KCNJ3: variants seen among roughly 807,000 people sequenced by gnomAD.
The protein encoded by KCNJ3 is potassium inwardly rectifying channel subfamily J member 3.
KCNJ3 carries 4 observed loss-of-function variants against 39.2 expected under a neutral mutation model. The observed-to-expected ratio is 0.10, with a 90% CI of 0.05 to 0.23. The LOEUF (loss-of-function observed/expected upper bound fraction) is 0.23. Ranked by LOEUF, KCNJ3 falls within the 10% of genes least tolerant of loss-of-function variation. KCNJ3 has a pLI of 1.00. For missense variants in KCNJ3, 276 were observed against 634.9 expected (o/e 0.43, Z 6.08); for synonymous variants, 230 against 237.4 (o/e 0.97, Z 0.29).
intron 2 of KCNJ3, among the ~76,000 whole-genome samples, chr2:154,828,123 A>G (rs1687300709): frequency 6.6e-6 from 1 of 152,206 alleles, no homozygotes; most frequent in Non-Finnish European, 1.5e-5. Context: ...GAAGACATTT[A>G]TACTGTAATG....
intron 2 of KCNJ3, among the ~76,000 whole-genome samples, chr2:154,714,509 T>G (rs1574431747): frequency 6.6e-6 from 1 of 152,174 alleles, no homozygotes; most frequent in East Asian, 1.9e-4. Flanking sequence ...AGTCCACCAT[T>G]TATTTTATCT....
At chr2:154,721,445 G>T (rs943931455) in intron 2 of KCNJ3, among the ~76,000 whole-genome samples, 3 of 152,048 alleles carry the variant, frequency 2.0e-5, no homozygotes, top group Non-Finnish European at 2.9e-5. Context: ...CTGGGTTCCA[G>T]GTTCTACTAG....
intron 2 of KCNJ3, among the ~76,000 whole-genome samples, chr2:154,845,307 T>C (rs1687646579): frequency 6.6e-6 from 1 of 151,828 alleles, no homozygotes; most frequent in Non-Finnish European, 1.5e-5. Flanking sequence ...TTAGTAGAAA[T>C]GGGGTTTTAC....
intron 2 of KCNJ3, among the ~76,000 whole-genome samples, chr2:154,765,452 G>A (rs975345821): frequency 2.0e-5 from 3 of 152,140 alleles, no homozygotes; most frequent in African/African-American, 7.2e-5. Flanking sequence ...CCAAAAAGAA[G>A]TGACTTGTTC....
intron 2 of KCNJ3, among the ~76,000 whole-genome samples, chr2:154,749,979 C>A (rs574367926): frequency 2.6e-5 from 4 of 151,950 alleles, no homozygotes; most frequent in South Asian, 2.1e-4. Context: ...TATTAATTTA[C>A]CTTTGTATGG....
chr2:154,819,467 C>A (rs528432058), intron 2 of KCNJ3, among the ~76,000 whole-genome samples: 1 of 152,128 alleles, frequency 6.6e-6, no homozygotes, highest in African/African-American at 2.4e-5. Flanking sequence ...CTAAATACTT[C>A]TGTGTTTTTC....
chr2:154,815,435 C>A (rs549426020), intron 2 of KCNJ3, among the ~76,000 whole-genome samples: 1 of 152,256 alleles, frequency 6.6e-6, no homozygotes, highest in East Asian at 1.9e-4. Context: ...CCTTTTGAAT[C>A]TGCATTAGAC....
At chr2:154,852,608 C>A (rs1687775687) in intron 2 of KCNJ3, among the ~76,000 whole-genome samples, 1 of 151,926 alleles carries the variant, frequency 6.6e-6, no homozygotes. Context: ...GATATTTATT[C>A]TTTATTCTAG....
At chr2:154,837,714 A>C (rs1687494763) in intron 2 of KCNJ3, among the ~76,000 whole-genome samples, 1 of 152,156 alleles carries the variant, frequency 6.6e-6, no homozygotes, top group Non-Finnish European at 1.5e-5. Flanking sequence ...TCGCTTAAGA[A>C]GCTTACTGTA....
At chr2:154,828,191 A>G (rs1687301978) in intron 2 of KCNJ3, among the ~76,000 whole-genome samples, 1 of 152,244 alleles carries the variant, frequency 6.6e-6, no homozygotes, top group Non-Finnish European at 1.5e-5. Context: ...TAAAAATTAT[A>G]AAGCATGGTT....
chr2:154,796,587 G>A (rs1402248346), intron 2 of KCNJ3, among the ~76,000 whole-genome samples: 2 of 152,016 alleles, frequency 1.3e-5, no homozygotes, highest in East Asian at 1.9e-4. Flanking sequence ...CAGTGTAGAA[G>A]TCTATATTGC....
intron 1 of KCNJ3, among the ~76,000 whole-genome samples, chr2:154,702,427 TG>T (rs1026217047): frequency 6.6e-5 from 10 of 152,068 alleles, no homozygotes; most frequent in African/African-American, 2.4e-4. Context: ...TTTTGATTCT[TG>T]GGGAGACAAT....
intron 2 of KCNJ3, among the ~76,000 whole-genome samples, chr2:154,780,929 G>A (rs1163605531): frequency 6.6e-6 from 1 of 152,096 alleles, no homozygotes; most frequent in East Asian, 1.9e-4. Context: ...GGGAAATTAA[G>A]GCAGCAGAAG....
chr2:154,770,732 T>G (rs532322266), intron 2 of KCNJ3, among the ~76,000 whole-genome samples: 4 of 152,224 alleles, frequency 2.6e-5, no homozygotes, highest in South Asian at 4.1e-4. Flanking sequence ...TTACTCCTTA[T>G]TGTAGTCTCT....
At chr2:154,705,967 T>C (rs918014445) in intron 1 of KCNJ3, among the ~76,000 whole-genome samples, 2 of 152,100 alleles carry the variant, frequency 1.3e-5, no homozygotes, top group African/African-American at 4.8e-5. Flanking sequence ...TTTTTCAAAT[T>C]ATCTTCTAAA....
chr2:154,702,214 T>G (rs1684914250), intron 1 of KCNJ3, among the ~76,000 whole-genome samples: 2 of 151,960 alleles, frequency 1.3e-5, no homozygotes, highest in South Asian at 4.1e-4. Context: ...AATGCAAAAT[T>G]TATGTGTCTT....
chr2:154,787,863 G>T (rs920803137), intron 2 of KCNJ3, among the ~76,000 whole-genome samples: 2 of 151,688 alleles, frequency 1.3e-5, no homozygotes, highest in African/African-American at 4.8e-5. Flanking sequence ...TAATTTACTG[G>T]TGCTGTCAAA....
chr2:154,705,027 CAAGGACTTGTGA>C (rs1490873043), intron 1 of KCNJ3, among the ~76,000 whole-genome samples: 1 of 152,160 alleles, frequency 6.6e-6, no homozygotes, highest in Non-Finnish European at 1.5e-5. Context: ...CCTTTTCCAG[CAAGGACTTGTGA>C]AAGGTGGTTA....
intron 2 of KCNJ3, among the ~76,000 whole-genome samples, chr2:154,780,905 C>T (rs747885041): frequency 9.9e-5 from 15 of 152,064 alleles, no homozygotes; most frequent in Admixed American, 2.0e-4. Context: ...AAATATGCTG[C>T]GTTACTTGAC....
Sources: gnomAD v4.1 joint callset for allele counts (sites outside exome capture counted in the v4.1 genomes callset) on GRCh38, gnomAD v4.1.1 for gene constraint, MANE v1.5 for transcripts, NCBI Gene and HGNC (gene_info 2026-07-23, HGNC 2026-07-21) for gene names.